GRK3: variants seen among roughly 807,000 people sequenced by gnomAD.
GRK3 encodes the protein G protein-coupled receptor kinase 3, also known as adrenergic, beta, receptor kinase 2.
A neutral mutation model predicts 95.7 loss-of-function variants in GRK3; 54 were observed. That is an observed-to-expected ratio of 0.56 (90% confidence interval 0.45 to 0.71). The LOEUF is 0.71. GRK3 is among the 30% of genes least tolerant of loss of function. The pLI, the probability that GRK3 is intolerant of heterozygous loss-of-function variation, is 0.00. For synonymous variants in GRK3, 281 were observed against 290.8 expected (o/e 0.97, Z 0.34); for missense variants, 649 against 851.2 (o/e 0.76, Z 2.96).
At chr22:25,620,329 C>T (rs1442494006) in intron 2 of GRK3, among the ~76,000 whole-genome samples, 1 of 152,038 alleles carries the variant, frequency 6.6e-6, no homozygotes, top group East Asian at 1.9e-4. Flanking sequence ...TGCAGGGCAC[C>T]ATGATGTTCT....
At chr22:25,714,607 C>G (rs780963671) in intron 18 of GRK3, 37 bp downstream of exon 18, 1 of 1,522,008 alleles carries the variant, frequency 6.6e-7, no homozygotes, top group Non-Finnish European at 8.8e-7. Flanking sequence ...ATTTCTAATG[C>G]AGTAAATTTT....
intron 4 of GRK3, 29 bp from the exon 5 acceptor site, chr22:25,663,601 T>C (rs1434867427): frequency 1.3e-6 from 2 of 1,484,560 alleles, no homozygotes; most frequent in African/African-American, 2.8e-5. Context: ...CATTTTATTA[T>C]TTAAAAATAT....
In GRK3 at chr22:25,571,482, C is replaced by T. The variant is rs549869681; in HGVS notation, c.113+6329C>T. 7.2e-5 allele frequency among the ~76,000 whole-genome samples: 11 copies of T among 152,026 alleles called. No individual in the cohort carries two copies. In the East Asian group the frequency reaches 9.6e-4, roughly 13 times the overall value. ...AATTACCCATATTGAATTTCAGACA[C>T]GGATAACTCAAACAAAAAGATGAGA... is the stretch of plus-strand genomic sequence containing the variant. On this transcript the variant is annotated intron_variant, in intron 1 of 20. Transcript: ENST00000324198.
rs763563598 is a variant in GRK3 at position 25,685,230 on chromosome 22, A to G, written c.808A>G (p.Ile270Val). The change falls in exon 10 of 21, where the codon ATC (isoleucine) becomes GTC (valine). Residue 270 changes from isoleucine to valine, a missense_variant. Around this residue, in one of 3 missense-constraint regions of GRK3, gnomAD observed 61 missense variants for 126.0 expected, o/e 0.48. Coordinates refer to ENST00000324198, the MANE Select transcript of GRK3 (RefSeq NM_005160.4). ...AFHTPDKLCF[I>V]LDLMNGGDLH... ...CCATACCCCAGATAAACTCTGCTTCATCCTGGATCTGATGAACGGTAAGCA... is the reference window on the plus strand; with the variant it reads ...CCATACCCCAGATAAACTCTGCTTCGTCCTGGATCTGATGAACGGTAAGCA... 3.7e-6 allele frequency: 6 copies of G among 1,613,190 alleles called. No homozygotes were observed. The African/African-American group carries it at 4.0e-5, about 11-fold the overall frequency.
chr22:25,604,442 A>G lies in GRK3; in HGVS notation c.179A>G (p.Asn60Ser), dbSNP rs55740593. The G allele has an allele frequency of 1.2e-6, 2 of 1,610,638 alleles. No individual in the cohort carries two copies. Among genetic ancestry groups the G allele is most frequent in the Non-Finnish European group, 1.7e-6 (2 of 1,178,254 alleles). Residue 60 changes from asparagine (N) to serine (S), a missense_variant, in exon 2 of 21, where the codon AAT becomes AGT. Around this residue, in one of 3 missense-constraint regions of GRK3, gnomAD observed 206 missense variants for 231.4 expected, o/e 0.89. Transcript: ENST00000324198. Reference sequence around the variant, plus strand: ...GAAATAACCTTTGACAAGATTTTCAATCAGAAAATTGGTAAGTCCTGCTTG... The same window carrying G: ...GAAATAACCTTTGACAAGATTTTCAGTCAGAAAATTGGTAAGTCCTGCTTG... Reference protein sequence around the residue: ...RNEITFDKIFNQKIGFLLFKD... With the variant: ...RNEITFDKIFSQKIGFLLFKD...
chr22:25,617,851 C>A (rs1308887167), intron 2 of GRK3, among the ~76,000 whole-genome samples: 1 of 152,096 alleles, frequency 6.6e-6, no homozygotes, highest in Non-Finnish European at 1.5e-5. Context: ...ATCTCGGCTC[C>A]ATGCAACCTC....
chr22:25,577,600 A>G (rs1007632122), intron 1 of GRK3, among the ~76,000 whole-genome samples: 1 of 152,206 alleles, frequency 6.6e-6, no homozygotes, highest in African/African-American at 2.4e-5. Flanking sequence ...TCAGCTTGGG[A>G]CAGAGTTGTA....
intron 3 of GRK3, among the ~76,000 whole-genome samples, chr22:25,655,197 C>T (rs2084861549): frequency 6.6e-6 from 1 of 152,102 alleles, no homozygotes; most frequent in Admixed American, 6.6e-5. Context: ...AACAGTTACC[C>T]ATTTCCCATG....
In GRK3 at chr22:25,704,355, A is replaced by G. The variant is rs1189270598; in HGVS notation, c.1328+146A>G. On this transcript the variant is annotated intron_variant, in intron 15 of 20. Coordinates refer to ENST00000324198, the MANE Select transcript of GRK3 (RefSeq NM_005160.4). The stretch of plus-strand genomic sequence containing the variant: ...AAAAAATAAATCACATGGGAAATAT[A>G]CAAATATTGTCCTATGTGTTTTATA... 6.5e-6 allele frequency: 4 copies of G among 616,406 alleles called. No individual in the cohort carries two copies. In the Admixed American group the frequency reaches 9.3e-5, roughly 14 times the overall value. 38.2% of individuals were successfully genotyped at this position (616,406 alleles called of 1,614,324 possible).
At chr22:25,631,726 G>A (rs542291639) in intron 2 of GRK3, among the ~76,000 whole-genome samples, 1 of 152,274 alleles carries the variant, frequency 6.6e-6, no homozygotes, top group South Asian at 2.1e-4. Context: ...AATTCCTGGT[G>A]ACCCTTCGTA....
intron 14 of GRK3, 28 bp downstream of exon 14, chr22:25,703,604 T>C (rs912150612): frequency 1.1e-5 from 16 of 1,507,596 alleles, no homozygotes; most frequent in Admixed American, 6.8e-5. Flanking sequence ...TGTATTCTTG[T>C]CTGTATGGTA....
chr22:25,566,667 A>G (rs1385018589), intron 1 of GRK3, among the ~76,000 whole-genome samples: 1 of 152,234 alleles, frequency 6.6e-6, no homozygotes, highest in African/African-American at 2.4e-5. Flanking sequence ...ATTGAAAAAA[A>G]TCAATGCTGC....
At chr22:25,705,840 GAAGT>G (rs1266754333) in intron 15 of GRK3, among the ~76,000 whole-genome samples, 2 of 152,092 alleles carry the variant, frequency 1.3e-5, no homozygotes, top group African/African-American at 4.8e-5. Flanking sequence ...GAATTCTAAG[GAAGT>G]AATAATTTTC....
intron 1 of GRK3, among the ~76,000 whole-genome samples, chr22:25,590,410 C>T (rs892258148): frequency 6.6e-6 from 1 of 151,924 alleles, no homozygotes; most frequent in African/African-American, 2.4e-5. Context: ...TTGACCTATA[C>T]ATTCCTCTTC....
rs181141099 is a variant in GRK3, at chr22:25,592,102, T to C, written c.114-12275T>C. 6.3e-4 allele frequency among the ~76,000 whole-genome samples: 96 copies of C among 152,342 alleles called. No individual in the cohort carries two copies. In the East Asian group the frequency reaches 0.01, roughly 16 times the overall value. On this transcript the variant is annotated intron_variant, in intron 1 of 20. Transcript: ENST00000324198. ...TGTGTGCTTCATTTGACATTCCCACTAGCAGTGTATGAGAATTCCAGTTAC... is the reference window on the plus strand; with the variant it reads ...TGTGTGCTTCATTTGACATTCCCACCAGCAGTGTATGAGAATTCCAGTTAC...
chr22:25,676,926 C>G (rs796341299), intron 8 of GRK3, among the ~76,000 whole-genome samples: 1 of 152,146 alleles, frequency 6.6e-6, no homozygotes, highest in African/African-American at 2.4e-5. Context: ...CTCTGCGAGC[C>G]CATCAGTGAA....
At chr22:25,579,491 G>T (rs1932024204) in intron 1 of GRK3, among the ~76,000 whole-genome samples, 1 of 149,260 alleles carries the variant, frequency 6.7e-6, no homozygotes, top group Admixed American at 6.6e-5. Context: ...TTTTTTTTTT[G>T]AGATGGTGTC....
chr22:25,667,179 T>G (rs2084947559), intron 5 of GRK3, among the ~76,000 whole-genome samples: 1 of 152,170 alleles, frequency 6.6e-6, no homozygotes, highest in Admixed American at 6.5e-5. Flanking sequence ...GTTTTCTCTA[T>G]GACTCTAAGA....
At chr22:25,667,243 C>G (rs1050876942) in intron 5 of GRK3, among the ~76,000 whole-genome samples, 1 of 152,134 alleles carries the variant, frequency 6.6e-6, no homozygotes, top group East Asian at 1.9e-4. Flanking sequence ...ACTTCATGGA[C>G]CTATTAGCTT....
Sources: gnomAD v4.1 joint callset for allele counts (sites outside exome capture counted in the v4.1 genomes callset) on GRCh38, gnomAD v4.1.1 for gene constraint, gnomAD v4.1.1 regional missense constraint, MANE v1.5 for transcripts, NCBI Gene and HGNC (gene_info 2026-07-23, HGNC 2026-07-21) for gene names.